The following AFF3 variants were observed in gnomAD, a reference collection of about 807,000 sequenced individuals.
AFF3 encodes the protein AF4/FMR2 family member 3.
In AFF3, 32 loss-of-function variants were observed where a neutral mutation model predicts 129.7. That is an observed-to-expected ratio of 0.25 (90% CI 0.19 to 0.33). AFF3 has a LOEUF of 0.33. Ranked by LOEUF, AFF3 falls within the 10% of genes least tolerant of loss-of-function variation. AFF3 has a pLI of 1.00. For missense variants in AFF3, 1,373 were observed against 1,592.0 expected (o/e 0.86, Z 2.34); for synonymous variants, 644 against 635.4 (o/e 1.01, Z -0.20).
intron 4 of AFF3, among the ~76,000 whole-genome samples, chr2:100,098,552 A>G (rs2666343): frequency 3.5e-5 from 5 of 141,596 alleles, no homozygotes; most frequent in African/African-American, 1.1e-4. Flanking sequence ...GACCCATTGT[A>G]GTTAACAAGG....
intron 4 of AFF3, among the ~76,000 whole-genome samples, chr2:100,038,846 C>G (rs1421822461): frequency 2.0e-5 from 3 of 151,910 alleles, no homozygotes; most frequent in Non-Finnish European, 4.4e-5. Context: ...CCTCAGCCTC[C>G]CAAGTAGCTG....
intron 7 of AFF3, among the ~76,000 whole-genome samples, chr2:100,000,506 A>ATG (rs1479954064): frequency 8.5e-5 from 12 of 140,704 alleles, no homozygotes; most frequent in Non-Finnish European, 1.2e-4. Context: ...TCTCTCTAGC[A>ATG]CGCGCGCACA....
intron 13 of AFF3, among the ~76,000 whole-genome samples, chr2:99,627,362 G>A (rs1011017837): frequency 2.0e-5 from 3 of 151,790 alleles, no homozygotes; most frequent in Non-Finnish European, 2.9e-5. Context: ...CTTGTTGGCC[G>A]CATGTATGTC....
intron 13 of AFF3, among the ~76,000 whole-genome samples, chr2:99,641,497 G>A (rs1441964579): frequency 1.3e-5 from 2 of 152,182 alleles, no homozygotes; most frequent in African/African-American, 4.8e-5. Context: ...GGCCAACATG[G>A]TGAAACCCCA....
intron 21 of AFF3, 22 bp from the exon 22 acceptor site, chr2:99,558,990 G>A (rs750748897): frequency 6.2e-7 from 1 of 1,612,760 alleles, no homozygotes; most frequent in Non-Finnish European, 8.5e-7. Context: ...AAGAGAAACA[G>A]GCCCAGAAGC....
intron 11 of AFF3, among the ~76,000 whole-genome samples, chr2:99,680,523 G>C (rs1674428309): frequency 6.6e-6 from 1 of 152,152 alleles, no homozygotes; most frequent in Non-Finnish European, 1.5e-5. Flanking sequence ...AAACCTCTTT[G>C]AAGGGGGATG....
At chr2:99,796,731 T>A (rs1041773783) in intron 8 of AFF3, among the ~76,000 whole-genome samples, 1 of 151,924 alleles carries the variant, frequency 6.6e-6, no homozygotes, top group Non-Finnish European at 1.5e-5. Flanking sequence ...CACAAGTACA[T>A]GAAAAAATAA....
Position 99,593,530 on chromosome 2 carries a change from C to A in AFF3, c.2131G>T (p.Ala711Ser), listed in dbSNP as rs756890773. 3 of 1,613,120 alleles carry A rather than the reference C, an allele frequency of 1.9e-6. No homozygotes were observed. The highest frequency in any genetic ancestry group is 2.5e-6 in the Non-Finnish European group (3 of 1,179,744). ...GGACCACTGCCCCCGTTGGCAGCGG[C>A]CTCCTTCAGCCTCTGATCATTCCCG... is the stretch of plus-strand genomic sequence containing the variant. ...SSGNDQRLKE[A>S]AANGGSGPRA... is the part of the protein sequence containing the mutation. Residue 711 changes from alanine (A) to serine (S), a missense_variant, in exon 15 of 25, where the codon GCC becomes TCC. Ala to Ser is a moderately conservative substitution (Grantham distance 99). Coordinates refer to ENST00000672756, the MANE Select transcript of AFF3 (RefSeq NM_001386135.1).
chr2:99,987,580 T>C (rs1409090778), intron 7 of AFF3, among the ~76,000 whole-genome samples: 3 of 152,200 alleles, frequency 2.0e-5, no homozygotes, highest in Non-Finnish European at 4.4e-5. Flanking sequence ...TGGGGGCATT[T>C]GTTTTCAAGC....
rs529066132 is a variant in AFF3, at chr2:100,000,532, AT to A, written c.873+6099del. On this transcript the variant is annotated intron_variant, in intron 7 of 24. Coordinates refer to ENST00000672756, the MANE Select transcript of AFF3 (RefSeq NM_001386135.1). ...CGCGCGCACACACACACACACACACATACACAAACATAAAATCACTCTCAAC... is the reference window on the plus strand; with the variant it reads ...CGCGCGCACACACACACACACACACAACACAAACATAAAATCACTCTCAAC... 5.0e-3 allele frequency among the ~76,000 whole-genome samples: 760 copies of A among 152,040 alleles called. 11 individuals carry two copies. The highest frequency in any genetic ancestry group is 0.018 in the African/African-American group (733 of 41,434).
At chr2:99,909,689 T>C (rs773328437) in intron 7 of AFF3, among the ~76,000 whole-genome samples, 5 of 152,088 alleles carry the variant, frequency 3.3e-5, no homozygotes, top group Non-Finnish European at 5.9e-5. Context: ...GTATAGGCCA[T>C]GTCAGCTGCA....
At chr2:100,129,508 G>A (rs1169055490) in intron 1 of AFF3, among the ~76,000 whole-genome samples, 1 of 151,606 alleles carries the variant, frequency 6.6e-6, no homozygotes, top group African/African-American at 2.4e-5. Flanking sequence ...AACCCAAAGG[G>A]GCCTGTGTTA....
chr2:99,604,832 T>C (rs1343975577), intron 13 of AFF3, among the ~76,000 whole-genome samples: 1 of 152,100 alleles, frequency 6.6e-6, no homozygotes, highest in African/African-American at 2.4e-5. Context: ...TGAAGATGAA[T>C]AAAGAACATT....
chr2:99,845,002 A>G (rs1224776276), intron 7 of AFF3, among the ~76,000 whole-genome samples: 1 of 152,208 alleles, frequency 6.6e-6, no homozygotes, highest in Non-Finnish European at 1.5e-5. Flanking sequence ...CCTAAACTTT[A>G]TAAGAATAAT....
At chr2:99,862,569 G>A (rs918759547) in intron 7 of AFF3, among the ~76,000 whole-genome samples, 2 of 152,226 alleles carry the variant, frequency 1.3e-5, no homozygotes, top group African/African-American at 4.8e-5. Flanking sequence ...AGTGCCCCAC[G>A]GTGTGGTCCT....
chr2:99,554,690 T>C lies in AFF3; in HGVS notation c.3328A>G (p.Ser1110Gly), dbSNP rs1201436769. Residue 1110 changes from serine to glycine, a missense_variant, in exon 23 of 25, where the codon AGT becomes GGT. Coordinates refer to ENST00000672756, the MANE Select transcript of AFF3 (RefSeq NM_001386135.1). ...TTGGAAAAGCGAACTTACTTTCCACTGGCCCCCCACGGAGATGGGGCTTGG... is the reference window on the plus strand; with the variant it reads ...TTGGAAAAGCGAACTTACTTTCCACCGGCCCCCCACGGAGATGGGGCTTGG... The part of the protein sequence containing the change: ...AAQAPSPWGA[S>G]GKSTGTPSPM... 6.2e-7 allele frequency: 1 copy of C among 1,614,226 alleles called. No homozygotes were observed. The highest frequency in any genetic ancestry group is 2.2e-5 in the East Asian group (1 of 44,878).
chr2:100,132,100 G>A (rs1559139428), intron 1 of AFF3, among the ~76,000 whole-genome samples: 1 of 152,188 alleles, frequency 6.6e-6, no homozygotes, highest in African/African-American at 2.4e-5. Context: ...GTTGTACCTA[G>A]GATTCTGCTG....
intron 7 of AFF3, among the ~76,000 whole-genome samples, chr2:99,919,878 A>C (rs1695736062): frequency 6.6e-6 from 1 of 152,114 alleles, no homozygotes; most frequent in African/African-American, 2.4e-5. Flanking sequence ...ATCAAGAATA[A>C]AACAGTGAAT....
intron 4 of AFF3, among the ~76,000 whole-genome samples, chr2:100,057,859 T>C (rs1316284764): frequency 6.6e-6 from 1 of 152,238 alleles, no homozygotes; most frequent in Non-Finnish European, 1.5e-5. Flanking sequence ...GTGTATTCCA[T>C]GAATCCCTCA....
Sources: allele counts gnomAD v4.1 joint callset (sites outside exome capture counted in the v4.1 genomes callset), GRCh38; gene constraint gnomAD v4.1.1; transcripts MANE v1.5; gene names NCBI Gene and HGNC (gene_info 2026-07-23, HGNC 2026-07-21).